NCAM1: variants seen among roughly 807,000 people sequenced by gnomAD.
The protein encoded by NCAM1 is neural cell adhesion molecule 1, also known as antigen recognized by monoclonal antibody 5.1H11.
In NCAM1, 14 loss-of-function variants were observed where a neutral mutation model predicts 109.8. That is an observed-to-expected ratio of 0.13 (90% CI 0.08 to 0.20). NCAM1 has a LOEUF of 0.20. Among genes scored for constraint, NCAM1 ranks in the 10% least tolerant of loss-of-function variants. The probability of loss-of-function intolerance (pLI) is 1.00; values close to 1 mark genes in which losing one functional copy is unlikely to be tolerated. For missense variants in NCAM1, 774 were observed against 1,109.9 expected, an observed-to-expected ratio of 0.70 and a Z score of 4.30; for synonymous variants, 418 against 442.9, an observed-to-expected ratio of 0.94 and a Z score of 0.70.
chr11:113,098,241 G>T (rs1425183188), intron 1 of NCAM1, among the ~76,000 whole-genome samples: 1 of 152,180 alleles, frequency 6.6e-6, no homozygotes, highest in African/African-American at 2.4e-5. Flanking sequence ...GTTGTCCCTC[G>T]GTATAGAGGA....
chr11:112,964,193 G>A (rs1229577660), intron 1 of NCAM1, among the ~76,000 whole-genome samples: 3 of 136,942 alleles, frequency 2.2e-5, no homozygotes, highest in Admixed American at 7.9e-5. Flanking sequence ...GTCCAGGGCA[G>A]TGGTAACTGA....
At chr11:113,046,197 T>G (rs1555080779) in intron 1 of NCAM1, among the ~76,000 whole-genome samples, 1 of 152,212 alleles carries the variant, frequency 6.6e-6, no homozygotes, top group Non-Finnish European at 1.5e-5. Context: ...GGTTTCTTAC[T>G]TATTTAATTC....
intron 1 of NCAM1, among the ~76,000 whole-genome samples, chr11:113,130,117 G>T (rs1487999621): frequency 6.6e-6 from 1 of 152,174 alleles, no homozygotes; most frequent in Non-Finnish European, 1.5e-5. Context: ...CCAAATGTCA[G>T]TGTCTTGTGT....
At chr11:113,177,483 G>C (rs531273960) in intron 1 of NCAM1, among the ~76,000 whole-genome samples, 17 of 152,260 alleles carry the variant, frequency 1.1e-4, no homozygotes, top group Middle Eastern at 3.4e-3. Flanking sequence ...CATCAGGCTG[G>C]AGTGCAGTGG....
chr11:113,207,011 G>T (rs1368527995), intron 5 of NCAM1, among the ~76,000 whole-genome samples: 1 of 152,180 alleles, frequency 6.6e-6, no homozygotes, highest in Non-Finnish European at 1.5e-5. Flanking sequence ...ATCTTAACAT[G>T]CATAAAATGT....
chr11:113,000,856 AAT>A (rs1555072334), intron 1 of NCAM1, among the ~76,000 whole-genome samples: 3 of 44,614 alleles, frequency 6.7e-5, no homozygotes, highest in South Asian at 2.3e-3. Flanking sequence ...ATACACAAAA[AAT>A]ATATATATAT....
intron 1 of NCAM1, among the ~76,000 whole-genome samples, chr11:113,055,803 A>C (rs868916913): frequency 6.6e-6 from 1 of 151,684 alleles, no homozygotes; most frequent in Non-Finnish European, 1.5e-5. Context: ...AAAACTAAAA[A>C]TAGAACTACC....
intron 1 of NCAM1, among the ~76,000 whole-genome samples, chr11:113,073,088 G>T (rs1030813): frequency 0.83 from 125,801 of 151,728 alleles, 52,494 homozygotes; most frequent in African/African-American, 0.93. Context: ...ATATCTCAAA[G>T]AAGTGGAATC....
At chr11:113,004,502 T>A (rs76497719) in intron 1 of NCAM1, among the ~76,000 whole-genome samples, 27 of 121,090 alleles carry the variant, frequency 2.2e-4, no homozygotes, top group South Asian at 4.7e-4. Context: ...AAAAAAAAAA[T>A]TTTTTTTTTT....
At chr11:113,205,017 A>G (rs782697824) in intron 3 of NCAM1, among the ~76,000 whole-genome samples, 1 of 152,150 alleles carries the variant, frequency 6.6e-6, no homozygotes, top group Non-Finnish European at 1.5e-5. Flanking sequence ...CAGCTAATGG[A>G]ACAGTATTGA....
intron 14 of NCAM1, chr11:113,240,665 A>T: frequency 1.1e-6 from 1 of 901,794 alleles, no homozygotes; most frequent in Non-Finnish European, 1.8e-6. Flanking sequence ...TGTTCTTCCC[A>T]CTTTAACTCA....
chr11:113,056,238 T>G (rs192829099), intron 1 of NCAM1, among the ~76,000 whole-genome samples: 1 of 151,354 alleles, frequency 6.6e-6, no homozygotes, highest in African/African-American at 2.4e-5. Context: ...AGTAGAATGG[T>G]AGAGACTGGG....
At chr11:113,170,732 A>G (rs1942962483) in intron 1 of NCAM1, among the ~76,000 whole-genome samples, 2 of 152,188 alleles carry the variant, frequency 1.3e-5, no homozygotes, top group East Asian at 3.8e-4. Flanking sequence ...GCCTAAAAAA[A>G]CTAAGGGCAA....
intron 1 of NCAM1, among the ~76,000 whole-genome samples, chr11:113,143,271 T>C (rs1377346121): frequency 1.3e-5 from 2 of 152,242 alleles, no homozygotes; most frequent in Non-Finnish European, 2.9e-5. Context: ...TAGGCTTTTG[T>C]TGTGACAGAG....
At position 113,199,334 on chromosome 11, in the gene NCAM1, G is replaced by A. The variant is rs550939109; in HGVS notation, c.53-3045G>A. Among the ~76,000 whole-genome samples the A allele has an allele frequency of 3.9e-5, 6 of 152,260 alleles. No homozygotes were observed. In the East Asian group the frequency reaches 9.7e-4, roughly 25 times the overall value. ...AGAGTAGGAAAGGACCAGGCAGCAA[G>A]CAATGGAGGGAAGGAGTTTTGAGAT... is the stretch of plus-strand genomic sequence containing the variant. On this transcript the variant is annotated intron_variant, in intron 1 of 19. Coordinates refer to ENST00000316851, the MANE Select transcript of NCAM1 (RefSeq NM_181351.5).
At chr11:113,246,085 G>A (rs1338885624) in intron 14 of NCAM1, 7 of 507,054 alleles carry the variant, frequency 1.4e-5, no homozygotes, top group African/African-American at 3.8e-5. Flanking sequence ...TTAACCAAAT[G>A]CTCTTTATGA....
chr11:113,231,152 T>C, intron 9 of NCAM1: 1 of 1,504,636 alleles, frequency 6.6e-7, no homozygotes, highest in Non-Finnish European at 8.9e-7. Context: ...TAAGGATTTC[T>C]TTAATAATTT....
intron 1 of NCAM1, among the ~76,000 whole-genome samples, chr11:113,043,537 A>G (rs1953151983): frequency 3.9e-5 from 6 of 152,034 alleles, no homozygotes; most frequent in Admixed American, 3.9e-4. Flanking sequence ...GGGTTTCACC[A>G]TGTTGGCCAG....
At chr11:113,125,083 G>A (rs557578345) in intron 1 of NCAM1, among the ~76,000 whole-genome samples, 4 of 152,104 alleles carry the variant, frequency 2.6e-5, no homozygotes, top group South Asian at 2.1e-4. Context: ...TTATAAAATC[G>A]TAAGTAATAT....
Sources: allele counts gnomAD v4.1 joint callset (sites outside exome capture counted in the v4.1 genomes callset), GRCh38; gene constraint gnomAD v4.1.1; transcripts MANE v1.5; gene names NCBI Gene and HGNC (gene_info 2026-07-23, HGNC 2026-07-21).